Variants in ABI3BP observed in about 807,000 individuals in gnomAD.
ABI3BP encodes the protein ABI family member 3 binding protein.
ABI3BP carries 216 observed loss-of-function variants against 268.6 expected under a neutral mutation model. That is an observed-to-expected ratio of 0.80 (90% confidence interval 0.72 to 0.90). The LOEUF is 0.90. ABI3BP is among the 40% of genes least tolerant of loss of function. The pLI, the probability that ABI3BP is intolerant of heterozygous loss-of-function variation, is 0.00. For missense variants in ABI3BP, 2,090 were observed against 2,182.4 expected, an observed-to-expected ratio of 0.96 and a Z score of 0.84; for synonymous variants, 730 against 730.0, an observed-to-expected ratio of 1.00 and a Z score of 0.00.
At chr3:100,911,561 C>T (rs1263232462) in intron 2 of ABI3BP, 10 of 619,714 alleles carry the variant, frequency 1.6e-5, no homozygotes, top group East Asian at 2.8e-5. Context: ...TCTTATGTAC[C>T]TCCTTTACTG....
chr3:100,890,366 A>C (rs9866199), intron 4 of ABI3BP, among the ~76,000 whole-genome samples: 1 of 151,914 alleles, frequency 6.6e-6, no homozygotes, highest in East Asian at 1.9e-4. Context: ...CTTCCTCTAA[A>C]GGGTCTCTCT....
intron 9 of ABI3BP, among the ~76,000 whole-genome samples, chr3:100,872,332 A>C (rs1344423374): frequency 6.6e-6 from 1 of 152,250 alleles, no homozygotes; most frequent in African/African-American, 2.4e-5. Context: ...TCACAAGACA[A>C]AAATCCACTT....
intron 2 of ABI3BP, among the ~76,000 whole-genome samples, chr3:100,924,836 A>G (rs552213292): frequency 6.6e-6 from 1 of 152,284 alleles, no homozygotes; most frequent in South Asian, 2.1e-4. Flanking sequence ...AAGAGCTTAC[A>G]ATTGACCCAA....
chr3:100,927,399 T>C (rs36156426), intron 1 of ABI3BP, among the ~76,000 whole-genome samples: 15,707 of 152,190 alleles, frequency 0.1, 1,099 homozygotes, highest in Non-Finnish European at 0.15. Flanking sequence ...CTAAGTGATA[T>C]ATAACATTTA....
At chr3:100,851,685 A>G (rs1455465710) in intron 15 of ABI3BP, among the ~76,000 whole-genome samples, 190 bp downstream of exon 15, 1 of 152,236 alleles carries the variant, frequency 6.6e-6, no homozygotes, top group African/African-American at 2.4e-5. Flanking sequence ...GAGCTTATTT[A>G]CTGAGAGATG....
At chr3:100,889,014 A>G (rs1437378772) in intron 4 of ABI3BP, among the ~76,000 whole-genome samples, 1 of 152,114 alleles carries the variant, frequency 6.6e-6, no homozygotes, top group African/African-American at 2.4e-5. Context: ...AAATTAGACT[A>G]TAATATCTCT....
chr3:100,818,323 A>T (rs1208491691), intron 41 of ABI3BP, among the ~76,000 whole-genome samples: 1 of 152,226 alleles, frequency 6.6e-6, no homozygotes, highest in Admixed American at 6.5e-5. Context: ...AAGCAGTTTG[A>T]TGTCCTGATA....
chr3:100,853,602 C>T (rs1308696867), intron 14 of ABI3BP, among the ~76,000 whole-genome samples: 1 of 152,204 alleles, frequency 6.6e-6, no homozygotes, highest in Non-Finnish European at 1.5e-5. Context: ...CATTTAGTGA[C>T]ATTGGACCAA....
chr3:100,898,827 C>G lies in ABI3BP; in HGVS notation c.396G>C (p.Leu132=). 1 of 1,613,750 alleles carries G rather than the reference C, an allele frequency of 6.2e-7. No individual in the cohort carries two copies. Among genetic ancestry groups the G allele is most frequent in the Non-Finnish European group, 8.5e-7 (1 of 1,179,786 alleles). Residue 132 remains leucine (L), a synonymous_variant, in exon 4 of 68, where the codon CTG becomes CTC. Transcript: ENST00000471714. ...VGTLTPSSVF[L]SWGFLINPHH... ...GTGGGTTGATGAGGAAACCCCAGGA[C>G]AGGAAGACCGAGCTCGGTGTCAGAG...
At position 100,749,831 on chromosome 3, in the gene ABI3BP, A is replaced by G. The variant is rs910162895; in HGVS notation, c.*664T>C. 7.6e-6 allele frequency: 3 copies of G among 397,152 alleles called. No individual in the cohort carries two copies. Among genetic ancestry groups the G allele is most frequent in the African/African-American group, 4.1e-5 (2 of 48,584 alleles). The allele number at this position is 397,152 out of a possible 1,614,324, so 24.6% of individuals were successfully genotyped here. Reference sequence around the variant, plus strand: ...AATGTATCTTTTGAAACAATATATTAGACTCCATTTTTAGCTGAAATGAAA... The same window carrying G: ...AATGTATCTTTTGAAACAATATATTGGACTCCATTTTTAGCTGAAATGAAA... On this transcript the variant is annotated 3_prime_UTR_variant, in exon 68 of 68. Transcript: ENST00000471714.
intron 18 of ABI3BP, 47 bp downstream of exon 18, chr3:100,848,754 T>C (rs752328161): frequency 1.6e-5 from 25 of 1,563,160 alleles, no homozygotes; most frequent in Middle Eastern, 1.7e-4. Flanking sequence ...AAAATGGACA[T>C]TGTCTATCTG....
chr3:100,824,875 G>A lies in ABI3BP; in HGVS notation c.2729C>T (p.Ala910Val). ...PRPKTTPSPQ[A>V]PETKPVPATV... is the part of the protein sequence containing the mutation. ...AGATTTACCAGGTTTGGTCTCAGGT[G>A]CCTGAGGGCTCGGTGTAGTTTTAGG... The change falls in exon 36 of 68, where the codon GCA (alanine) becomes GTA (valine). Residue 910 changes from alanine (A) to valine (V), a missense_variant. Physicochemically the swap from Ala to Val is moderately conservative, Grantham distance 64. Coordinates refer to ENST00000471714, the MANE Select transcript of ABI3BP (RefSeq NM_001375547.2). 1 of 1,536,058 alleles carries A rather than the reference G, an allele frequency of 6.5e-7. No homozygotes were observed. The highest frequency in any genetic ancestry group is 8.7e-7 in the Non-Finnish European group (1 of 1,146,652).
intron 14 of ABI3BP, among the ~76,000 whole-genome samples, chr3:100,854,844 T>C (rs2098921885): frequency 6.6e-6 from 1 of 152,226 alleles, no homozygotes; most frequent in Non-Finnish European, 1.5e-5. Context: ...AGTTTTACTT[T>C]CAGATTTTCC....
chr3:100,778,513 A>C, intron 58 of ABI3BP, 137 bp from the exon 59 acceptor site: 1 of 719,760 alleles, frequency 1.4e-6, no homozygotes, highest in Non-Finnish European at 2.3e-6. Context: ...ATTCTACAGA[A>C]AAGTGCACAC....
At chr3:100,847,809 G>T in intron 18 of ABI3BP, 136 bp from the exon 19 acceptor site, 1 of 724,078 alleles carries the variant, frequency 1.4e-6, no homozygotes, top group South Asian at 1.7e-5. Context: ...AAAGTTTTGA[G>T]GAAGAATTGT....
At chr3:100,776,836 G>A (rs1481574692) in intron 59 of ABI3BP, among the ~76,000 whole-genome samples, 2 of 152,184 alleles carry the variant, frequency 1.3e-5, no homozygotes, top group Non-Finnish European at 2.9e-5. Flanking sequence ...TTATATGGCA[G>A]GCAAGAAGGC....
chr3:100,897,170 G>T (rs978683987), intron 4 of ABI3BP, among the ~76,000 whole-genome samples: 4 of 152,098 alleles, frequency 2.6e-5, no homozygotes, highest in African/African-American at 9.7e-5. Flanking sequence ...ACACTAGAAT[G>T]GCTAAAATGA....
intron 6 of ABI3BP, 103 bp downstream of exon 6, chr3:100,885,433 G>T: frequency 1.7e-6 from 1 of 586,408 alleles, no homozygotes; most frequent in Non-Finnish European, 2.8e-6. Context: ...CTGTTTCATA[G>T]CTAGTCAGTT....
chr3:100,813,953 C>T (rs1163268321), intron 44 of ABI3BP, among the ~76,000 whole-genome samples: 3 of 151,260 alleles, frequency 2.0e-5, no homozygotes, highest in Non-Finnish European at 4.4e-5. Flanking sequence ...TTTTTTTAAG[C>T]GATGGGAAAA....
Sources: gnomAD v4.1 joint callset for allele counts (sites outside exome capture counted in the v4.1 genomes callset) on GRCh38, gnomAD v4.1.1 for gene constraint, MANE v1.5 for transcripts, NCBI Gene and HGNC (gene_info 2026-07-23, HGNC 2026-07-21) for gene names.